The following FRMD5 variants were observed in gnomAD, a reference collection of about 807,000 sequenced individuals.
The protein encoded by FRMD5 is FERM domain containing 5, also known as FERM domain-containing protein 5.
Under a neutral mutation model 69.0 loss-of-function variants are expected in FRMD5, and 20 were observed. That is an observed-to-expected ratio of 0.29 (90% CI 0.20 to 0.42). The LOEUF is 0.42. FRMD5 is among the 10% of genes least tolerant of loss of function. FRMD5 has a pLI of 1.00. For synonymous variants in FRMD5, 271 were observed against 260.1 expected (o/e 1.04, Z -0.40); for missense variants, 595 against 708.6 (o/e 0.84, Z 1.82).
chr15:44,153,510 G>A (rs927199155), intron 1 of FRMD5, among the ~76,000 whole-genome samples: 1 of 152,136 alleles, frequency 6.6e-6, no homozygotes. Flanking sequence ...AGGTATAGAC[G>A]AATACTAGAA....
intron 1 of FRMD5, among the ~76,000 whole-genome samples, chr15:44,019,767 A>AG (rs1891131672): frequency 6.7e-6 from 1 of 149,940 alleles, no homozygotes; most frequent in African/African-American, 2.4e-5. Context: ...AAAAAGGAAA[A>AG]GAAAAGAAAA....
At position 43,998,619 on chromosome 15, in the gene FRMD5, C is replaced by T. The variant is rs545114851; in HGVS notation, c.103-74310G>A. ...ACATACAAATCCCTAAACTCCACTG[C>T]CATTCAAACTGGCAGACACTAAGGC... On this transcript the variant is annotated intron_variant, in intron 1 of 13. Transcript: ENST00000417257. 2.0e-5 allele frequency among the ~76,000 whole-genome samples: 3 copies of T among 152,316 alleles called. No homozygotes were observed. The East Asian group carries it at 5.8e-4, about 29-fold the overall frequency.
chr15:44,122,593 C>T (rs960028091), intron 1 of FRMD5, among the ~76,000 whole-genome samples: 1 of 147,390 alleles, frequency 6.8e-6, no homozygotes, highest in Non-Finnish European at 1.5e-5. Context: ...AAAACAAAAA[C>T]AAAAGATAAT....
At chr15:43,882,810 C>T (rs1057442232) in intron 13 of FRMD5, among the ~76,000 whole-genome samples, 12 of 151,312 alleles carry the variant, frequency 7.9e-5, no homozygotes, top group African/African-American at 2.9e-4. Context: ...GTGGAATCCT[C>T]TTTTTTTTCT....
At chr15:44,071,819 C>T (rs1416592947) in intron 1 of FRMD5, among the ~76,000 whole-genome samples, 1 of 152,062 alleles carries the variant, frequency 6.6e-6, no homozygotes, top group African/African-American at 2.4e-5. Flanking sequence ...TTTTTAAAAT[C>T]GTTTAATATT....
chr15:44,009,256 G>A (rs1355146834), intron 1 of FRMD5, among the ~76,000 whole-genome samples: 1 of 152,216 alleles, frequency 6.6e-6, no homozygotes, highest in Non-Finnish European at 1.5e-5. Context: ...TCATATGACT[G>A]ATAATGAGTC....
At chr15:44,167,961 GCTC>G (rs2077737795) in intron 1 of FRMD5, among the ~76,000 whole-genome samples, 1 of 152,124 alleles carries the variant, frequency 6.6e-6, no homozygotes, top group South Asian at 2.1e-4. Context: ...GCAGAACATC[GCTC>G]CTATTTGTTC....
intron 1 of FRMD5, among the ~76,000 whole-genome samples, chr15:44,072,407 G>T (rs1362220380): frequency 1.3e-5 from 2 of 152,060 alleles, no homozygotes; most frequent in African/African-American, 2.4e-5. Context: ...TTTGCTACTT[G>T]TTATAACAGC....
chr15:44,086,793 G>T (rs1461654874), intron 1 of FRMD5, among the ~76,000 whole-genome samples: 2 of 152,126 alleles, frequency 1.3e-5, no homozygotes, highest in Non-Finnish European at 2.9e-5. Context: ...TAAAGAGTAG[G>T]ACTGATAGGG....
intron 12 of FRMD5, 29 bp from the exon 13 acceptor site, chr15:43,883,838 A>G (rs772375668): frequency 6.5e-7 from 1 of 1,530,044 alleles, no homozygotes; most frequent in South Asian, 1.1e-5. Context: ...AACCTTGTTA[A>G]TTCAGTGCAT....
intron 1 of FRMD5, among the ~76,000 whole-genome samples, chr15:44,038,930 C>A (rs535668216): frequency 6.6e-6 from 1 of 152,310 alleles, no homozygotes; most frequent in East Asian, 1.9e-4. Flanking sequence ...AAGCTAAGAT[C>A]CACTGGCTTG....
intron 1 of FRMD5, among the ~76,000 whole-genome samples, chr15:44,132,212 G>A (rs1002736843): frequency 1.3e-5 from 2 of 152,132 alleles, no homozygotes. Flanking sequence ...TAACGTGAAC[G>A]ATGGGGAGTG....
intron 1 of FRMD5, among the ~76,000 whole-genome samples, chr15:43,971,810 G>A (rs1418513699): frequency 3.3e-5 from 5 of 149,732 alleles, no homozygotes; most frequent in Admixed American, 6.6e-5. Flanking sequence ...GGGTTCAAGC[G>A]ATTCTCCTGC....
intron 1 of FRMD5, among the ~76,000 whole-genome samples, chr15:43,932,110 T>C (rs894709878): frequency 6.6e-6 from 1 of 152,182 alleles, no homozygotes; most frequent in African/African-American, 2.4e-5. Flanking sequence ...AGACACAAAA[T>C]ATACATAAAA....
chr15:44,188,523 T>C (rs2078140105), intron 1 of FRMD5, among the ~76,000 whole-genome samples: 1 of 152,224 alleles, frequency 6.6e-6, no homozygotes, highest in Admixed American at 6.5e-5. Flanking sequence ...AACAGACTGC[T>C]GAACTCCATC....
chr15:44,120,138 C>T (rs2076926370), intron 1 of FRMD5, among the ~76,000 whole-genome samples: 2 of 152,012 alleles, frequency 1.3e-5, no homozygotes, highest in Non-Finnish European at 2.9e-5. Context: ...ACAAACCATA[C>T]CAAGGAGTTT....
chr15:44,010,997 T>C (rs956333400), intron 1 of FRMD5, among the ~76,000 whole-genome samples: 2 of 151,976 alleles, frequency 1.3e-5, no homozygotes, highest in African/African-American at 4.8e-5. Context: ...AGATAAAATA[T>C]GAACACTAAT....
intron 1 of FRMD5, among the ~76,000 whole-genome samples, chr15:44,129,511 T>C (rs1351613390): frequency 6.6e-6 from 1 of 152,122 alleles, no homozygotes; most frequent in Non-Finnish European, 1.5e-5. Context: ...CATCTATATC[T>C]CAGAGGCACT....
At position 44,117,960 on chromosome 15, in the gene FRMD5, G is replaced by T. The variant is rs533623837; in HGVS notation, c.102+76993C>A. Among the ~76,000 whole-genome samples the T allele has an allele frequency of 9.3e-5, 13 of 139,362 alleles. No homozygotes were observed. In the South Asian group the frequency reaches 3.1e-3, roughly 33 times the overall value. 91.4% of individuals were successfully genotyped at this position (139,362 alleles called of 152,430 possible). A position where few individuals can be genotyped will look rare whatever the true frequency, so the allele number is the denominator to read the frequency against. The stretch of plus-strand genomic sequence containing the variant: ...TAGAGCAAGGACTAAAAACTAGTCA[G>T]TTAATCTGGATTCCATTTCTTTCTT... On this transcript the variant is annotated intron_variant, in intron 1 of 13. Transcript: ENST00000417257.
Sources: gnomAD v4.1 joint callset for allele counts (sites outside exome capture counted in the v4.1 genomes callset) on GRCh38, gnomAD v4.1.1 for gene constraint, MANE v1.5 for transcripts, NCBI Gene and HGNC (gene_info 2026-07-23, HGNC 2026-07-21) for gene names.